The following MORC2 variants were observed in gnomAD, a reference collection of about 807,000 sequenced individuals.
MORC2 encodes ATPase MORC2.
A neutral mutation model predicts 136.0 loss-of-function variants in MORC2; 30 were observed. That is an observed-to-expected ratio of 0.22 (90% confidence interval 0.17 to 0.30). The LOEUF is 0.30. Among genes scored for constraint, MORC2 ranks in the 10% least tolerant of loss-of-function variants. The pLI, the probability that MORC2 is intolerant of heterozygous loss-of-function variation, is 1.00. For synonymous variants in MORC2, 439 were observed against 487.0 expected, an observed-to-expected ratio of 0.90 and a Z score of 1.30; for missense variants, 922 against 1,333.1, an observed-to-expected ratio of 0.69 and a Z score of 4.80.
intron 25 of MORC2, 28 bp downstream of exon 25, chr22:30,927,991 G>A (rs776213729): frequency 7.4e-6 from 12 of 1,611,586 alleles, no homozygotes; most frequent in Non-Finnish European, 9.3e-6. Flanking sequence ...AGGTGGTCCA[G>A]CTGCAACAGG....
At position 30,929,205 on chromosome 22, in the gene MORC2, C is replaced by T. The variant is rs571562486; in HGVS notation, c.2842-998G>A. ...CACAAAATAAATACTGGAGCAATCT[C>T]CAAAGTATTAAAATTCAGTATACAA... On this transcript the variant is annotated intron_variant, in intron 24 of 25. Transcript: ENST00000397641. 1.9e-4 allele frequency among the ~76,000 whole-genome samples: 29 copies of T among 152,266 alleles called. No homozygotes were observed. In the South Asian group the frequency reaches 5.8e-3, roughly 30 times the overall value.
chr22:30,966,467 A>G (rs1391025320), intron 1 of MORC2, among the ~76,000 whole-genome samples: 3 of 152,244 alleles, frequency 2.0e-5, no homozygotes, highest in Non-Finnish European at 4.4e-5. Context: ...CTTAAGTGTT[A>G]GAATTCAACC....
intron 1 of MORC2, chr22:30,963,257 T>C: frequency 5.2e-6 from 5 of 959,092 alleles, no homozygotes; most frequent in Non-Finnish European, 6.2e-6. Flanking sequence ...ATTACAGGCG[T>C]GAGCCACAGC....
rs200828014 is a variant in MORC2, at chr22:30,937,548, G to A, written c.1498+35C>T. 6.9e-6 allele frequency: 11 copies of A among 1,604,134 alleles called. No individual in the cohort carries two copies. The highest frequency in any genetic ancestry group is 9.4e-6 in the Non-Finnish European group (11 of 1,176,288). On this transcript the variant is annotated intron_variant, in intron 15 of 25. Coordinates refer to ENST00000397641, the MANE Select transcript of MORC2 (RefSeq NM_001303256.3). The surrounding 1 kb of genome is among the most constrained non-coding windows in gnomAD (Gnocchi z 4.7). ...GAGAAAAGAGGCTTGTGGGCTGATG[G>A]AAATGAGTCGGGGGGGTCCAACCAC... is the stretch of plus-strand genomic sequence containing the variant.
Position 30,941,433 on chromosome 22 carries a change from C to T in MORC2, c.824G>A (p.Arg275Lys). 6.2e-7 allele frequency: 1 copy of T among 1,613,842 alleles called. No individual in the cohort carries two copies. Among genetic ancestry groups the T allele is most frequent in the Non-Finnish European group, 8.5e-7 (1 of 1,179,936 alleles). ...KRLSCCLYKPRMYKYTSSRFK... is the reference protein window; with the variant it reads ...KRLSCCLYKPKMYKYTSSRFK... ...CAGGCCAAGGGGCACTGGCCCCTAC[C>T]TGGGCTTGTACAGGCAGCAGGAGAG... The change falls in exon 9 of 26, where the codon AGG (arginine) becomes AAG (lysine). Residue 275 changes from arginine (R) to lysine (K), a missense_variant and splice_region_variant. Coordinates refer to ENST00000397641, the MANE Select transcript of MORC2 (RefSeq NM_001303256.3). The surrounding 1 kb of genome is among the most constrained non-coding windows in gnomAD (Gnocchi z 4.6).
chr22:30,964,433 C>A (rs563590682), intron 1 of MORC2, among the ~76,000 whole-genome samples: 1 of 152,088 alleles, frequency 6.6e-6, no homozygotes, highest in Non-Finnish European at 1.5e-5. Context: ...AATGTGCCAA[C>A]AAAAATAAAT....
intron 2 of MORC2, 93 bp downstream of exon 2, chr22:30,958,548 A>G: frequency 1.1e-6 from 1 of 938,566 alleles, no homozygotes; most frequent in South Asian, 1.8e-5. Flanking sequence ...TTCTACAGAA[A>G]TGTCTTCCTC....
chr22:30,957,523 T>C (rs2040983720), intron 2 of MORC2, among the ~76,000 whole-genome samples: 1 of 152,204 alleles, frequency 6.6e-6, no homozygotes. Context: ...TATTCTCAAA[T>C]ATCTAAAACA....
intron 1 of MORC2, among the ~76,000 whole-genome samples, chr22:30,959,404 AT>A (rs1398461267): frequency 6.6e-6 from 1 of 152,262 alleles, no homozygotes; most frequent in Non-Finnish European, 1.5e-5. Flanking sequence ...TGAGAAAGTC[AT>A]AAAATGAGTT....
At chr22:30,939,260 G>A (rs2040704595) in intron 12 of MORC2, among the ~76,000 whole-genome samples, 1 of 152,168 alleles carries the variant, frequency 6.6e-6, no homozygotes, top group African/African-American at 2.4e-5. Context: ...GTATCACCAG[G>A]TGGTAGAAGT....
intron 2 of MORC2, among the ~76,000 whole-genome samples, chr22:30,957,344 C>G (rs1008597723): frequency 2.0e-5 from 3 of 152,170 alleles, no homozygotes; most frequent in African/African-American, 7.2e-5. Flanking sequence ...TTGGGATACC[C>G]CTGCCCCATT....
rs202243108 is a variant in MORC2 at position 30,932,614 on chromosome 22, C to A, written c.2678G>T (p.Arg893Leu). Residue 893 changes from arginine to leucine, a missense_variant, in exon 23 of 26, where the codon CGC becomes CTC. Coordinates refer to ENST00000397641, the MANE Select transcript of MORC2 (RefSeq NM_001303256.3). This position sits in a 1 kb window ranked among gnomAD's most constrained non-coding sequence, Gnocchi z 4.4. ...CAGGGCAGTGGTGTCAGGCTCAATGCGGAGGCATTCGGAAGTGGAGGGCTC... is the reference window on the plus strand; with the variant it reads ...CAGGGCAGTGGTGTCAGGCTCAATGAGGAGGCATTCGGAAGTGGAGGGCTC... ...VAEPSTSECL[R>L]IEPDTTALST... The A allele has an allele frequency of 1.3e-5, 21 of 1,614,010 alleles. No homozygotes were observed. The highest frequency in any genetic ancestry group is 1.8e-5 in the Non-Finnish European group (21 of 1,180,042).
intron 4 of MORC2, 106 bp from the exon 5 acceptor site, chr22:30,949,948 G>T: frequency 1.0e-6 from 1 of 980,274 alleles, no homozygotes; most frequent in Non-Finnish European, 1.5e-6. Context: ...GTGTGTATCT[G>T]CTGAAAACCT....
intron 3 of MORC2, 101 bp from the exon 4 acceptor site, chr22:30,950,546 G>C (rs2040873087): frequency 1.6e-6 from 2 of 1,232,132 alleles, no homozygotes; most frequent in Non-Finnish European, 1.2e-6. Flanking sequence ...GGTCCAAAAA[G>C]GTCAGGTCAA....
rs1236354994 is a variant in MORC2, at chr22:30,933,018, T to C, written c.2393A>G (p.His798Arg). 2 of 1,614,056 alleles carry C rather than the reference T, an allele frequency of 1.2e-6. No individual in the cohort carries two copies. The highest frequency in any genetic ancestry group is 2.2e-5 in the East Asian group (1 of 44,862). The change falls in exon 22 of 26, where the codon CAC becomes CGC. Residue 798 changes from histidine (H) to arginine (R), a missense_variant. Physicochemically the swap from His to Arg is conservative, Grantham distance 29. Coordinates refer to ENST00000397641, the MANE Select transcript of MORC2 (RefSeq NM_001303256.3). ...LKRAQKDKGL[H>R]VEVRVNREWY... is the part of the protein sequence containing the mutation. ...CTCCCTGTTCACACGCACCTCCACG[T>C]GCAGCCCTTTATCTGACAATGTAGA...
At chr22:30,959,639 T>TA (rs917162985) in intron 1 of MORC2, among the ~76,000 whole-genome samples, 34 of 147,212 alleles carry the variant, frequency 2.3e-4, no homozygotes, top group African/African-American at 2.5e-4. Context: ...TAGAACCACC[T>TA]AAAAAAAAAA....
At chr22:30,930,568 G>A (rs2147235551) in intron 24 of MORC2, among the ~76,000 whole-genome samples, 1 of 152,280 alleles carries the variant, frequency 6.6e-6, no homozygotes, top group African/African-American at 2.4e-5. Flanking sequence ...CTGAGCCTTA[G>A]TTTCTTCAAC....
intron 25 of MORC2, among the ~76,000 whole-genome samples, chr22:30,927,586 C>CT (rs1458905968): frequency 1.3e-5 from 2 of 152,196 alleles, no homozygotes; most frequent in African/African-American, 2.4e-5. Flanking sequence ...GACTGGCAGG[C>CT]TGTGAGAGCA....
rs770383175 is a variant in MORC2 at position 30,942,234 on chromosome 22, C to T, written c.464G>A (p.Arg155Gln). The T allele has an allele frequency of 1.4e-5, 22 of 1,613,408 alleles. No homozygotes were observed. Among genetic ancestry groups the T allele is most frequent in the Admixed American group, 1.2e-4 (7 of 60,002 alleles). ...CTCTACATTGTCTGTGACAGGTTCC[C>T]GGGTCCGAGCATTCCAGGTGGGCAG... The part of the protein sequence containing the change: ...VPLPTWNART[R>Q]EPVTDNVEKF... Residue 155 changes from arginine (R) to glutamine (Q), a missense_variant, in exon 7 of 26, where the codon CGG becomes CAG. Arg to Gln is a conservative substitution (Grantham distance 43, BLOSUM62 1). Around this residue, in one of 9 missense-constraint regions of MORC2, gnomAD observed 261 missense variants for 354.3 expected, o/e 0.74. Transcript: ENST00000397641.
Sources: allele counts gnomAD v4.1 joint callset (sites outside exome capture counted in the v4.1 genomes callset), GRCh38; gene constraint gnomAD v4.1.1; regional missense constraint gnomAD v4.1.1; non-coding constraint Gnocchi (gnomAD v3.1); transcripts MANE v1.5; gene names NCBI Gene and HGNC (gene_info 2026-07-23, HGNC 2026-07-21).